The following PRDM1 variants were observed in gnomAD, a reference collection of about 807,000 sequenced individuals.
PRDM1 encodes the protein PR domain zinc finger protein 1.
PRDM1 carries 13 observed loss-of-function variants against 62.8 expected under a neutral mutation model. That is an observed-to-expected ratio of 0.21 (90% CI 0.13 to 0.33). The LOEUF is 0.33. Among genes scored for constraint, PRDM1 ranks in the 10% least tolerant of loss-of-function variants. The probability of loss-of-function intolerance (pLI) is 1.00; values close to 1 mark genes in which losing one functional copy is unlikely to be tolerated. For missense variants in PRDM1, 895 were observed against 1,058.8 expected (o/e 0.85, Z 2.15); for synonymous variants, 396 against 417.6 (o/e 0.95, Z 0.63).
chr6:106,010,064 A>T (rs1194181324), intron 1 of PRDM1, among the ~76,000 whole-genome samples: 5 of 152,118 alleles, frequency 3.3e-5, no homozygotes, highest in African/African-American at 1.2e-4. Flanking sequence ...AAGTCACTGA[A>T]GTCCAGCAGG....
chr6:106,086,582 TG>T lies in PRDM1; in HGVS notation c.32del (p.Gly11ValfsTer14), dbSNP rs2114614394. 1.3e-6 allele frequency: 2 copies of T among 1,551,812 alleles called. No individual in the cohort carries two copies. Among genetic ancestry groups the T allele is most frequent in the East Asian group, 2.4e-5 (1 of 41,046 alleles). MLDICLEKRVGTTLAAPKCN... is the reference protein window; with the variant it reads MLDICLEKRXGTTLAAPKCN... Reference sequence around the variant, plus strand: ...TTGGATATTTGCTTGGAAAAACGTGTGGGTACGACCTTGGTAAGGAACTTGA... The same window carrying T: ...TTGGATATTTGCTTGGAAAAACGTGTGGTACGACCTTGGTAAGGAACTTGA... On this transcript the variant is annotated frameshift_variant, in exon 1 of 7. Transcript: ENST00000369096. LOFTEE classifies it high-confidence loss of function.
chr6:106,079,114 C>T (rs554227749), intron 1 of PRDM1, among the ~76,000 whole-genome samples: 1 of 152,002 alleles, frequency 6.6e-6, no homozygotes, highest in South Asian at 2.1e-4. Flanking sequence ...GTGCCCGCCA[C>T]CACGTGGGCC....
chr6:106,027,090 A>G lies in PRDM1; in HGVS notation c.-67+33451A>G, dbSNP rs535034531. Among the ~76,000 whole-genome samples the G allele has an allele frequency of 1.4e-4, 22 of 152,254 alleles. No homozygotes were observed. The South Asian group carries it at 1.5e-3, about 10-fold the overall frequency. On this transcript the variant is annotated intron_variant, in intron 1 of 6. Coordinates refer to the PRDM1 transcript ENST00000652320. ...ACCTTATTCTTCCACAATATGTCCT[A>G]TGTGATCTATTCGAATCTCATTAAA...
chr6:105,993,876 G>A (rs1247491313), intron 1 of PRDM1, among the ~76,000 whole-genome samples: 1 of 152,228 alleles, frequency 6.6e-6, no homozygotes, highest in Non-Finnish European at 1.5e-5. Context: ...AGAAAGGGAC[G>A]TTGGATTGAT....
intron 1 of PRDM1, among the ~76,000 whole-genome samples, chr6:106,075,039 T>G (rs1210084732): frequency 1.3e-5 from 2 of 152,228 alleles, no homozygotes; most frequent in African/African-American, 4.8e-5. Context: ...GTTTGTATAG[T>G]TTAAAAACTA....
At position 106,095,748 on chromosome 6, in the gene PRDM1, A is replaced by G. The variant is rs1258923999; in HGVS notation, c.411+14A>G. On this transcript the variant is annotated intron_variant, in intron 3 of 6. Coordinates refer to ENST00000369096, the MANE Select transcript of PRDM1 (RefSeq NM_001198.4). Reference sequence around the variant, plus strand: ...TATTTTTGGAGGGTAAGTAAGGGAAATTTCTTCAGACCCATTAAATGTTAG... The same window carrying G: ...TATTTTTGGAGGGTAAGTAAGGGAAGTTTCTTCAGACCCATTAAATGTTAG... The G allele has an allele frequency of 3.7e-6, 6 of 1,613,038 alleles. No homozygotes were observed. The African/African-American group carries it at 4.0e-5, about 11-fold the overall frequency.
chr6:106,107,305 A>G lies in PRDM1; in HGVS notation c.2297A>G (p.Glu766Gly). 2 of 1,614,192 alleles carry G rather than the reference A, an allele frequency of 1.2e-6. No individual in the cohort carries two copies. Among genetic ancestry groups the G allele is most frequent in the Non-Finnish European group, 1.7e-6 (2 of 1,180,030 alleles). ...EKEILAVVRKEKEETGLKVSL... is the reference protein window; with the variant it reads ...EKEILAVVRKGKEETGLKVSL... ...GAAATTCTGGCCGTGGTCAGAAAAG[A>G]GAAAGAAGAAACTGGCCTGAAAGTG... Residue 766 changes from glutamate (E) to glycine (G), a missense_variant, in exon 7 of 7, where the codon GAG becomes GGG. By Grantham distance (98) the Glu-to-Gly change is moderately conservative. This residue lies in a region of PRDM1 where 164 missense variants were observed against 179.9 expected (regional missense o/e 0.91). Transcript: ENST00000369096.
intron 1 of PRDM1, among the ~76,000 whole-genome samples, chr6:106,078,835 C>A (rs192064093): frequency 3.8e-4 from 58 of 152,158 alleles, no homozygotes; most frequent in African/African-American, 1.3e-3. Context: ...GCTTGTGTGA[C>A]AGAGGGAGGC....
At chr6:106,028,290 C>T (rs184082254) in intron 1 of PRDM1, among the ~76,000 whole-genome samples, 20 of 152,288 alleles carry the variant, frequency 1.3e-4, no homozygotes, top group African/African-American at 4.8e-4. Context: ...AAGGTTATGT[C>T]CAAGTTCATG....
At chr6:106,097,206 C>T (rs371974347) in intron 3 of PRDM1, among the ~76,000 whole-genome samples, 7 of 152,296 alleles carry the variant, frequency 4.6e-5, no homozygotes, top group Admixed American at 6.5e-5. Context: ...TTGTCAATAA[C>T]GTCTTCTCAG....
intron 1 of PRDM1, among the ~76,000 whole-genome samples, chr6:106,057,627 A>G (rs1259958276): frequency 6.6e-6 from 1 of 152,210 alleles, no homozygotes; most frequent in African/African-American, 2.4e-5. Context: ...ACATATGTCT[A>G]TGCAGAGAAT....
intron 1 of PRDM1, among the ~76,000 whole-genome samples, chr6:106,054,934 T>C (rs1044137545): frequency 3.9e-5 from 6 of 152,222 alleles, no homozygotes; most frequent in Admixed American, 3.9e-4. Flanking sequence ...ATAGCGAGAA[T>C]AGGATTTTGA....
intron 1 of PRDM1, among the ~76,000 whole-genome samples, chr6:106,035,717 A>G (rs1772916739): frequency 6.6e-6 from 1 of 152,186 alleles, no homozygotes; most frequent in Non-Finnish European, 1.5e-5. Flanking sequence ...TATGGGATAT[A>G]TATTTCTATC....
intron 1 of PRDM1, among the ~76,000 whole-genome samples, chr6:106,024,800 G>A (rs1772744310): frequency 6.6e-6 from 1 of 152,068 alleles, no homozygotes; most frequent in African/African-American, 2.4e-5. Context: ...TGTTCTAGAA[G>A]GAGAGATACT....
At chr6:106,022,898 TC>T (rs1772710712) in intron 1 of PRDM1, among the ~76,000 whole-genome samples, 1 of 152,210 alleles carries the variant, frequency 6.6e-6, no homozygotes, top group Non-Finnish European at 1.5e-5. Flanking sequence ...TCTTATAGAT[TC>T]AATGTCGTCA....
At chr6:106,097,585 G>A (rs988389956) in intron 3 of PRDM1, among the ~76,000 whole-genome samples, 2 of 152,214 alleles carry the variant, frequency 1.3e-5, no homozygotes, top group African/African-American at 2.4e-5. Flanking sequence ...ATGAATCAGC[G>A]CATTTTAATC....
intron 1 of PRDM1, among the ~76,000 whole-genome samples, chr6:106,016,898 C>T (rs183668996): frequency 2.1e-4 from 32 of 152,232 alleles, no homozygotes; most frequent in East Asian, 3.9e-4. Context: ...GTGATCTGCC[C>T]GCCTTGGCCT....
At chr6:106,033,760 A>G (rs980295809) in intron 1 of PRDM1, among the ~76,000 whole-genome samples, 3 of 152,052 alleles carry the variant, frequency 2.0e-5, no homozygotes, top group Admixed American at 6.6e-5. Context: ...GCCTCATACA[A>G]TGAGTAAAGA....
intron 1 of PRDM1, among the ~76,000 whole-genome samples, chr6:106,038,789 C>T (rs1772954268): frequency 6.6e-6 from 1 of 152,190 alleles, no homozygotes; most frequent in Non-Finnish European, 1.5e-5. Context: ...GAGTTAAGAG[C>T]TGAAATTGAC....
Sources: allele counts gnomAD v4.1 joint callset (sites outside exome capture counted in the v4.1 genomes callset), GRCh38; gene constraint gnomAD v4.1.1; regional missense constraint gnomAD v4.1.1; transcripts MANE v1.5; gene names NCBI Gene and HGNC (gene_info 2026-07-23, HGNC 2026-07-21).